HDAC4: variants seen among roughly 807,000 people sequenced by gnomAD.
HDAC4 encodes histone deacetylase A.
Under a neutral mutation model 135.1 loss-of-function variants are expected in HDAC4, and 16 were observed. The observed-to-expected ratio is 0.12, with a 90% CI of 0.08 to 0.18. The LOEUF (loss-of-function observed/expected upper bound fraction) is 0.18. Ranked by LOEUF, HDAC4 falls within the 10% of genes least tolerant of loss-of-function variation. HDAC4 has a pLI of 1.00. For missense variants in HDAC4, 1,143 were observed against 1,511.8 expected (o/e 0.76, Z 4.05); for synonymous variants, 685 against 653.4 (o/e 1.05, Z -0.74).
At chr2:239,074,429 C>T (rs1344692878) in intron 22 of HDAC4, among the ~76,000 whole-genome samples, 1 of 152,192 alleles carries the variant, frequency 6.6e-6, no homozygotes, top group African/African-American at 2.4e-5. Context: ...TGAAAATCGC[C>T]GTTAAATGAA....
chr2:239,078,541 A>T (rs1225086904), intron 22 of HDAC4, among the ~76,000 whole-genome samples: 3 of 152,246 alleles, frequency 2.0e-5, no homozygotes, highest in Non-Finnish European at 4.4e-5. Context: ...AATAAAAAAA[A>T]AACCCTGAAA....
intron 11 of HDAC4, among the ~76,000 whole-genome samples, chr2:239,128,479 G>A (rs774091440): frequency 2.6e-5 from 4 of 151,132 alleles, no homozygotes; most frequent in African/African-American, 4.9e-5. Context: ...AGTGAGCCCA[G>A]ATAATGCCAC....
rs142189886 is a variant in HDAC4, at chr2:239,080,979, C to A, written c.2750+116G>T. ...GAGACAGCTCCTCCGGACCCCACAG[C>A]CCCGTTCAGCCACAGACCAGTTTCA... On this transcript the variant is annotated intron_variant, in intron 22 of 26. Transcript: ENST00000543185. 1.6e-3 allele frequency: 1,223 copies of A among 757,632 alleles called. 2 individuals carry two copies. The highest frequency in any genetic ancestry group is 2.4e-3 in the Non-Finnish European group (1,088 of 448,056). 46.9% of individuals were successfully genotyped at this position (757,632 alleles called of 1,614,324 possible).
chr2:239,282,692 G>A (rs1229247349), intron 2 of HDAC4, among the ~76,000 whole-genome samples: 2 of 131,444 alleles, frequency 1.5e-5, no homozygotes, highest in Admixed American at 1.5e-4. Flanking sequence ...ACTCTACAAT[G>A]TACACACCAC....
chr2:239,061,141 AGTGT>A (rs2032643484), intron 24 of HDAC4, among the ~76,000 whole-genome samples: 1 of 119,604 alleles, frequency 8.4e-6, no homozygotes. Context: ...ACTGAGTGTG[AGTGT>A]GTGGTGTGTG....
intron 1 of HDAC4, among the ~76,000 whole-genome samples, chr2:239,358,547 C>T (rs569750856): frequency 6.6e-6 from 1 of 152,148 alleles, no homozygotes; most frequent in Non-Finnish European, 1.5e-5. Context: ...GCTAGGTGTG[C>T]TAACTGCTGC....
chr2:239,323,508 A>C (rs2053379182), intron 2 of HDAC4, among the ~76,000 whole-genome samples: 1 of 152,238 alleles, frequency 6.6e-6, no homozygotes, highest in South Asian at 2.1e-4. Context: ...ATCCAACAAA[A>C]TCAAAGCAAT....
At chr2:239,239,994 G>C (rs1195756399) in intron 2 of HDAC4, among the ~76,000 whole-genome samples, 1 of 152,258 alleles carries the variant, frequency 6.6e-6, no homozygotes, top group Non-Finnish European at 1.5e-5. Context: ...GTCTCTTTAA[G>C]ACAAGATCCC....
chr2:239,133,990 C>T (rs988747510), intron 11 of HDAC4, among the ~76,000 whole-genome samples: 13 of 152,138 alleles, frequency 8.5e-5, no homozygotes, highest in African/African-American at 2.9e-4. Flanking sequence ...TCGCAAGAGC[C>T]GGTGGCCTCT....
chr2:239,072,359 T>C (rs2034285378), intron 22 of HDAC4, among the ~76,000 whole-genome samples: 1 of 152,250 alleles, frequency 6.6e-6, no homozygotes, highest in Non-Finnish European at 1.5e-5. Context: ...AAGCCTAGTT[T>C]GCACGATTCC....
intron 2 of HDAC4, among the ~76,000 whole-genome samples, chr2:239,294,787 T>C (rs1416473137): frequency 6.6e-6 from 1 of 152,000 alleles, no homozygotes; most frequent in East Asian, 1.9e-4. Flanking sequence ...ATCTGTAAAA[T>C]GGGGCGATGC....
rs2039025019 is a variant in HDAC4 at position 239,115,220 on chromosome 2, C to T, written c.1624G>A (p.Asp542Asn). 6.2e-7 allele frequency: 1 copy of T among 1,612,340 alleles called. No homozygotes were observed. The highest frequency in any genetic ancestry group is 8.5e-7 in the Non-Finnish European group (1 of 1,179,808). The change falls in exon 13 of 27, where the codon GAC (aspartate) becomes AAC (asparagine). Residue 542 changes from aspartate to asparagine, a missense_variant. By Grantham distance (23) the Asp-to-Asn change is conservative (BLOSUM62 1). Around this residue, in one of 9 missense-constraint regions of HDAC4, gnomAD observed 196 missense variants for 210.7 expected, o/e 0.93. Transcript: ENST00000543185. This position sits in a 1 kb window ranked among gnomAD's most constrained non-coding sequence, Gnocchi z 6.3. ...GGCAGCCGGTCCAGGTAGGGCTCGT[C>T]CAGCAGAGCCTGGTGCTCACGGAGC... ...EELREHQALLDEPYLDRLPGQ... is the reference protein window; with the variant it reads ...EELREHQALLNEPYLDRLPGQ...
intron 3 of HDAC4, among the ~76,000 whole-genome samples, chr2:239,213,715 A>C (rs2046466147): frequency 6.6e-6 from 1 of 152,244 alleles, no homozygotes. Flanking sequence ...AGGACAGCCC[A>C]CATTCAGCAC....
intron 3 of HDAC4, among the ~76,000 whole-genome samples, chr2:239,192,519 C>T (rs767587939): frequency 2.9e-4 from 44 of 152,280 alleles, no homozygotes; most frequent in South Asian, 6.2e-4. Flanking sequence ...CTCGCAAACT[C>T]GGAGAAAAGA....
intron 3 of HDAC4, among the ~76,000 whole-genome samples, chr2:239,216,083 C>T (rs530668036): frequency 1.7e-4 from 26 of 152,208 alleles, no homozygotes; most frequent in African/African-American, 5.8e-4. Context: ...CATGTGCTTA[C>T]ATTGTATATA....
chr2:239,062,456 T>C (rs944097304), intron 24 of HDAC4, among the ~76,000 whole-genome samples: 3 of 152,256 alleles, frequency 2.0e-5, no homozygotes, highest in African/African-American at 7.2e-5. Flanking sequence ...TTAAAGAGAC[T>C]TTTAAAGAGA....
At position 239,109,098 on chromosome 2, in the gene HDAC4, C is replaced by T. The variant is rs1250311829; in HGVS notation, c.1979-915G>A. ...CAGCTCTGCCCCGGCCCCTTCTCAC[C>T]AGGCCTTGGCCCCTGGTGACACCTG... On this transcript the variant is annotated intron_variant, in intron 14 of 26. Coordinates refer to ENST00000543185, the MANE Select transcript of HDAC4 (RefSeq NM_001378414.1). 2.0e-5 allele frequency among the ~76,000 whole-genome samples: 3 copies of T among 152,350 alleles called. No homozygotes were observed. The East Asian group carries it at 5.8e-4, about 29-fold the overall frequency.
In HDAC4 at chr2:239,209,229, C is replaced by T. The variant is rs372422303; in HGVS notation, c.95-19152G>A. On this transcript the variant is annotated intron_variant, in intron 3 of 26. Coordinates refer to ENST00000543185, the MANE Select transcript of HDAC4 (RefSeq NM_001378414.1). ...GGTCTAAATAAATGGCAAGATAGCT[C>T]GTATTCAAGGATAGGAAGACTTACT... is the stretch of plus-strand genomic sequence containing the variant. 2.0e-5 allele frequency among the ~76,000 whole-genome samples: 3 copies of T among 152,240 alleles called. No individual in the cohort carries two copies. In the South Asian group the frequency reaches 6.2e-4, roughly 32 times the overall value.
chr2:239,328,563 C>T (rs1404945288), intron 2 of HDAC4, among the ~76,000 whole-genome samples: 7 of 152,154 alleles, frequency 4.6e-5, no homozygotes, highest in Non-Finnish European at 8.8e-5. Context: ...ATACTCCCAA[C>T]GAGGAAAACA....
Sources: gnomAD v4.1 joint callset for allele counts (sites outside exome capture counted in the v4.1 genomes callset) on GRCh38, gnomAD v4.1.1 for gene constraint, gnomAD v4.1.1 regional missense constraint, Gnocchi (gnomAD v3.1) non-coding constraint, MANE v1.5 for transcripts, NCBI Gene and HGNC (gene_info 2026-07-23, HGNC 2026-07-21) for gene names.